Variants in PDE4D observed in about 807,000 individuals in gnomAD.
PDE4D encodes the protein phosphodiesterase 4D.
A neutral mutation model predicts 87.4 loss-of-function variants in PDE4D; 24 were observed. That is an observed-to-expected ratio of 0.27 (90% CI 0.20 to 0.39). The LOEUF (loss-of-function observed/expected upper bound fraction) is 0.39, where lower values mean the gene tolerates loss of function less well. PDE4D is among the 10% of genes least tolerant of loss of function. The pLI is 1.00. For missense variants in PDE4D, 714 were observed against 1,041.0 expected (o/e 0.69, Z 4.32); for synonymous variants, 384 against 383.2 (o/e 1.00, Z -0.02).
intron 6 of PDE4D, among the ~76,000 whole-genome samples, chr5:59,004,861 G>A (rs1751280139): frequency 6.6e-6 from 1 of 152,148 alleles, no homozygotes; most frequent in South Asian, 2.1e-4. Flanking sequence ...ACTGTCCCCT[G>A]AAATTTCCTG....
intron 1 of PDE4D, among the ~76,000 whole-genome samples, chr5:59,846,591 T>C (rs968374423): frequency 6.6e-5 from 10 of 152,062 alleles, no homozygotes; most frequent in Admixed American, 3.3e-4. Context: ...TTTGTCATCA[T>C]TGATTCTCAG....
At chr5:60,228,537 C>T (rs960281461) in intron 1 of PDE4D, among the ~76,000 whole-genome samples, 5 of 152,036 alleles carry the variant, frequency 3.3e-5, no homozygotes, top group African/African-American at 1.2e-4. Context: ...GCATTCACAT[C>T]CTTGTATCCT....
At chr5:59,226,543 G>C (rs1753813667) in intron 1 of PDE4D, among the ~76,000 whole-genome samples, 1 of 152,152 alleles carries the variant, frequency 6.6e-6, no homozygotes, top group South Asian at 2.1e-4. Flanking sequence ...AATCATGCAA[G>C]ATGAATAAAT....
chr5:59,403,458 C>T (rs1248999867), intron 1 of PDE4D, among the ~76,000 whole-genome samples: 2 of 152,094 alleles, frequency 1.3e-5, no homozygotes, highest in African/African-American at 2.4e-5. Context: ...TCCTCCCATC[C>T]ACTACACCTC....
At chr5:60,122,827 T>C (rs1370133560) in intron 2 of PDE4D, among the ~76,000 whole-genome samples, 1 of 152,230 alleles carries the variant, frequency 6.6e-6, no homozygotes, top group Non-Finnish European at 1.5e-5. Context: ...ATTGTCAGGC[T>C]ACAAAATTTT....
chr5:60,182,841 C>G (rs958951819), intron 2 of PDE4D, among the ~76,000 whole-genome samples: 3 of 151,498 alleles, frequency 2.0e-5, no homozygotes, highest in Non-Finnish European at 2.9e-5. Context: ...GATCGCGCCA[C>G]TGCGCTCCAG....
chr5:59,742,714 G>C (rs911860380), intron 1 of PDE4D, among the ~76,000 whole-genome samples: 4 of 152,146 alleles, frequency 2.6e-5, no homozygotes, highest in African/African-American at 9.7e-5. Context: ...AACAGTCATT[G>C]CTATTCCTTA....
At chr5:59,649,904 C>CTTGTTTTTTTT (rs1561402852) in intron 1 of PDE4D, among the ~76,000 whole-genome samples, 1 of 73,960 alleles carries the variant, frequency 1.4e-5, no homozygotes, top group African/African-American at 5.2e-5. Flanking sequence ...AGTTTGTGAA[C>CTTGTTTTTTTT]CTTTTTTTTT....
At chr5:59,681,686 G>A (rs1749031374) in intron 1 of PDE4D, among the ~76,000 whole-genome samples, 1 of 151,978 alleles carries the variant, frequency 6.6e-6, no homozygotes, top group Non-Finnish European at 1.5e-5. Context: ...GGCTCACGAG[G>A]TCAGCAGATG....
At chr5:59,734,701 A>T (rs569473542) in intron 1 of PDE4D, among the ~76,000 whole-genome samples, 1 of 152,162 alleles carries the variant, frequency 6.6e-6, no homozygotes, top group East Asian at 1.9e-4. Flanking sequence ...CTTAAAAAAA[A>T]TTCTCTTTTC....
intron 5 of PDE4D, chr5:59,039,391 C>A: frequency 9.9e-7 from 1 of 1,013,490 alleles, no homozygotes; most frequent in Non-Finnish European, 1.2e-6. Context: ...GCGTCTGGTC[C>A]ACAGCCGGAT....
chr5:60,162,657 A>G (rs911761529), intron 2 of PDE4D, among the ~76,000 whole-genome samples: 21 of 152,242 alleles, frequency 1.4e-4, no homozygotes, highest in Non-Finnish European at 2.9e-5. Flanking sequence ...TCCCAGAGAT[A>G]CTGAATCAAA....
At chr5:60,194,976 C>T (rs979749874) in intron 1 of PDE4D, among the ~76,000 whole-genome samples, 2 of 151,692 alleles carry the variant, frequency 1.3e-5, no homozygotes, top group Non-Finnish European at 2.9e-5. Flanking sequence ...TCCCACACAG[C>T]ATTGTTTCAC....
At position 60,477,491 on chromosome 5, in the gene PDE4D, T is replaced by C. The variant is rs549559831; in HGVS notation, c.-90+10451A>G. ...GTTTGTTTGGTTTGATTTTACACAG[T>C]ATGTAAAAGTTAAATTTCCAAAAGG... On this transcript the variant is annotated intron_variant, in intron 1 of 16. Coordinates refer to the PDE4D transcript ENST00000502484. 2.6e-5 allele frequency among the ~76,000 whole-genome samples: 4 copies of C among 152,268 alleles called. No individual in the cohort carries two copies. The South Asian group carries it at 8.3e-4, about 32-fold the overall frequency.
At chr5:58,990,158 T>C (rs913922816) in intron 9 of PDE4D, among the ~76,000 whole-genome samples, 2 of 152,152 alleles carry the variant, frequency 1.3e-5, no homozygotes, top group African/African-American at 4.8e-5. Flanking sequence ...CCTAGCTGTA[T>C]GGTGTCAGGA....
At chr5:59,014,631 A>G (rs1374542546) in intron 6 of PDE4D, among the ~76,000 whole-genome samples, 8 of 152,236 alleles carry the variant, frequency 5.3e-5, no homozygotes, top group Non-Finnish European at 1.2e-4. Context: ...CCACTGCTCA[A>G]CAAAATAAAA....
intron 1 of PDE4D, among the ~76,000 whole-genome samples, chr5:59,778,696 G>A (rs1764312916): frequency 6.6e-6 from 1 of 152,112 alleles, no homozygotes; most frequent in Non-Finnish European, 1.5e-5. Flanking sequence ...TTTAAATGCT[G>A]GGAATATAGT....
intron 3 of PDE4D, chr5:59,988,063 A>G (rs548753027): frequency 6.4e-6 from 1 of 155,360 alleles, no homozygotes; most frequent in Admixed American, 6.4e-5. Flanking sequence ...ATTTCTTTTG[A>G]TTCTAATTAC....
intron 1 of PDE4D, among the ~76,000 whole-genome samples, chr5:60,251,612 T>G (rs1466969024): frequency 6.6e-6 from 1 of 151,958 alleles, no homozygotes; most frequent in Non-Finnish European, 1.5e-5. Flanking sequence ...TCTACTATTA[T>G]CGATGGGCAT....
Sources: gnomAD v4.1 joint callset for allele counts (sites outside exome capture counted in the v4.1 genomes callset) on GRCh38, gnomAD v4.1.1 for gene constraint, MANE v1.5 for transcripts, NCBI Gene and HGNC (gene_info 2026-07-23, HGNC 2026-07-21) for gene names.